Variants in COL28A1 observed in about 807,000 individuals in gnomAD.
The protein encoded by COL28A1 is collagen alpha-1(XXVIII) chain.
In COL28A1, 161 loss-of-function variants were observed where a neutral mutation model predicts 150.2. The observed-to-expected ratio is 1.07, with a 90% CI of 0.94 to 1.22. The LOEUF (loss-of-function observed/expected upper bound fraction) is 1.22, where lower values mean the gene tolerates loss of function less well. COL28A1 is among the 50% of genes most tolerant of loss of function. The pLI, the probability that COL28A1 is intolerant of heterozygous loss-of-function variation, is 0.00. For synonymous variants in COL28A1, 552 were observed against 469.7 expected, an observed-to-expected ratio of 1.18 and a Z score of -2.26; for missense variants, 1,617 against 1,388.3, an observed-to-expected ratio of 1.16 and a Z score of -2.62.
rs186389550 is a variant in COL28A1, at chr7:7,502,550, A to G, written c.1026+3464T>C. 3.7e-3 allele frequency among the ~76,000 whole-genome samples: 567 copies of G among 152,328 alleles called. 3 individuals carry two copies. Among genetic ancestry groups the G allele is most frequent in the African/African-American group, 0.012 (507 of 41,582 alleles). On this transcript the variant is annotated intron_variant, in intron 11 of 34. Transcript: ENST00000399429. ...CATTTGTAAATTCATAGACATAGGC[A>G]GGCCCTATCTAGAACCTCTCGTGGA...
At chr7:7,366,151 T>A (rs1780922055) in intron 33 of COL28A1, among the ~76,000 whole-genome samples, 1 of 152,196 alleles carries the variant, frequency 6.6e-6, no homozygotes, top group Admixed American at 6.5e-5. Flanking sequence ...TCTAGTAACA[T>A]TCTTTAATTT....
intron 27 of COL28A1, among the ~76,000 whole-genome samples, chr7:7,405,394 T>C (rs536874642): frequency 4.3e-4 from 65 of 152,328 alleles, no homozygotes; most frequent in Non-Finnish European, 5.4e-4. Context: ...TTTCTAAAAC[T>C]GGCATAATAA....
chr7:7,396,671 T>G (rs1782853458), intron 27 of COL28A1, among the ~76,000 whole-genome samples: 1 of 152,158 alleles, frequency 6.6e-6, no homozygotes, highest in Non-Finnish European at 1.5e-5. Context: ...GGCAAGCCAT[T>G]TGTTGAAGTG....
rs1176781192 is a variant in COL28A1, at chr7:7,383,276, GTGTGTGTGTGTGTT to G, written c.2137-1678_2137-1665del. On this transcript the variant is annotated intron_variant, in intron 27 of 34. Coordinates refer to ENST00000399429, the MANE Select transcript of COL28A1 (RefSeq NM_001037763.3). The stretch of plus-strand genomic sequence containing the variant: ...TGTGTGTGTGTGTGTGTGTGTGTGT[GTGTGTGTGTGTGTT>G]TTTTTTGAGACAGAGTCTCACTCTG... 5.2e-4 allele frequency among the ~76,000 whole-genome samples: 72 copies of G among 138,934 alleles called. No homozygotes were observed. The East Asian group carries it at 9.2e-3, about 18-fold the overall frequency. The allele number at this position is 138,934 out of a possible 152,430, so 91.1% of individuals were successfully genotyped here.
intron 30 of COL28A1, among the ~76,000 whole-genome samples, chr7:7,376,412 T>C (rs1781544557): frequency 6.6e-6 from 1 of 152,190 alleles, no homozygotes; most frequent in African/African-American, 2.4e-5. Context: ...GTGGGGAATA[T>C]TCATAGTATT....
At chr7:7,434,848 A>G (rs1583362489) in intron 23 of COL28A1, among the ~76,000 whole-genome samples, 1 of 152,322 alleles carries the variant, frequency 6.6e-6, no homozygotes, top group East Asian at 1.9e-4. Context: ...TATTTACTTC[A>G]AAGTGTTTCT....
At chr7:7,459,533 T>C (rs1347383933) in intron 15 of COL28A1, among the ~76,000 whole-genome samples, 3 of 152,264 alleles carry the variant, frequency 2.0e-5, no homozygotes, top group African/African-American at 4.8e-5. Flanking sequence ...AAGGCTGATA[T>C]ATAAATGACT....
intron 8 of COL28A1, chr7:7,511,620 C>A: frequency 3.1e-6 from 1 of 318,788 alleles, no homozygotes; most frequent in Non-Finnish European, 6.4e-6. Context: ...CCTATTTTTT[C>A]AAGAACACCA....
At chr7:7,472,038 A>G (rs796604491) in intron 15 of COL28A1, among the ~76,000 whole-genome samples, 15 of 152,334 alleles carry the variant, frequency 9.8e-5, no homozygotes, top group African/African-American at 3.6e-4. Context: ...AATAACAACC[A>G]TCTATGACAA....
chr7:7,405,208 A>T (rs959474247), intron 27 of COL28A1, among the ~76,000 whole-genome samples: 2 of 152,224 alleles, frequency 1.3e-5, no homozygotes, highest in African/African-American at 4.8e-5. Context: ...AAACAAAAGC[A>T]GATTCTATTT....
At chr7:7,347,685 A>T in the COL28A1 span, among the ~76,000 whole-genome samples, 6 of 152,128 alleles carry the variant, frequency 3.9e-5, no homozygotes, top group African/African-American at 1.4e-4. Context: ...TATTTTAACT[A>T]AATCTTATAT....
At chr7:7,506,853 A>C (rs977875324) in intron 10 of COL28A1, among the ~76,000 whole-genome samples, 1 of 152,170 alleles carries the variant, frequency 6.6e-6, no homozygotes, top group African/African-American at 2.4e-5. Flanking sequence ...TTTTAACTTC[A>C]TCCCCTAAGC....
At chr7:7,463,211 C>T (rs912969741) in intron 15 of COL28A1, among the ~76,000 whole-genome samples, 1 of 152,124 alleles carries the variant, frequency 6.6e-6, no homozygotes, top group Non-Finnish European at 1.5e-5. Context: ...CAAAAAAGAT[C>T]ATCACCCAGG....
At chr7:7,432,919 A>T (rs1409062741) in intron 23 of COL28A1, among the ~76,000 whole-genome samples, 1 of 150,318 alleles carries the variant, frequency 6.7e-6, no homozygotes, top group Non-Finnish European at 1.5e-5. Flanking sequence ...GCACAATGTG[A>T]GAAGAGTAGA....
intron 18 of COL28A1, among the ~76,000 whole-genome samples, chr7:7,446,342 T>C (rs1434275307): frequency 6.6e-6 from 1 of 152,080 alleles, no homozygotes; most frequent in Non-Finnish European, 1.5e-5. Context: ...TTCAAATGTA[T>C]TGGAAAACAA....
intron 30 of COL28A1, among the ~76,000 whole-genome samples, chr7:7,379,886 G>A (rs1358726834): frequency 5.9e-5 from 9 of 152,156 alleles, no homozygotes; most frequent in East Asian, 3.8e-4. Flanking sequence ...CAGACAGCCC[G>A]CAGAACACAT....
intron 27 of COL28A1, among the ~76,000 whole-genome samples, chr7:7,406,356 G>A (rs1156449758): frequency 6.6e-6 from 1 of 152,128 alleles, no homozygotes; most frequent in African/African-American, 2.4e-5. Context: ...TCATTCAAGT[G>A]TTCCTTACTT....
intron 25 of COL28A1, among the ~76,000 whole-genome samples, chr7:7,428,249 G>T (rs1162894210): frequency 6.6e-6 from 1 of 152,168 alleles, no homozygotes; most frequent in East Asian, 1.9e-4. Flanking sequence ...ATCCAGGTTA[G>T]ATCTCCTCTG....
chr7:7,408,999 G>T (rs530565624), intron 27 of COL28A1, among the ~76,000 whole-genome samples: 2 of 152,142 alleles, frequency 1.3e-5, no homozygotes, highest in African/African-American at 2.4e-5. Context: ...TGATTTGGGA[G>T]ATGTTGTTTA....
Sources: gnomAD v4.1 joint callset for allele counts (sites outside exome capture counted in the v4.1 genomes callset) on GRCh38, gnomAD v4.1.1 for gene constraint, MANE v1.5 for transcripts, NCBI Gene and HGNC (gene_info 2026-07-23, HGNC 2026-07-21) for gene names.